Variants in SMARCAD1 observed in about 807,000 individuals in gnomAD.
SMARCAD1 encodes SNF2 related chromatin remodeling ATPase with DExD box 1, also known as SWI/SNF-related matrix-associated actin-dependent regulator of chromatin subfamily A containing DEAD/H box 1.
In SMARCAD1, 25 loss-of-function variants were observed where a neutral mutation model predicts 127.1. That is an observed-to-expected ratio of 0.20 (90% CI 0.14 to 0.27). SMARCAD1 has a LOEUF of 0.27. SMARCAD1 is among the 10% of genes least tolerant of loss of function. The pLI, the probability that SMARCAD1 is intolerant of heterozygous loss-of-function variation, is 1.00. For missense variants in SMARCAD1, 807 were observed against 1,206.0 expected (o/e 0.67, Z 4.90); for synonymous variants, 400 against 396.9 (o/e 1.01, Z -0.09).
intron 11 of SMARCAD1, among the ~76,000 whole-genome samples, 153 bp downstream of exon 11, chr4:94,270,971 G>T (rs1752463605): frequency 6.6e-6 from 1 of 152,124 alleles, no homozygotes; most frequent in Non-Finnish European, 1.5e-5. Context: ...TTTTGATAGA[G>T]TTAGTTCTAC....
chr4:94,250,539 T>A (rs1181097015), intron 7 of SMARCAD1, among the ~76,000 whole-genome samples: 2 of 152,064 alleles, frequency 1.3e-5, no homozygotes, highest in African/African-American at 4.8e-5. Flanking sequence ...TGCAAAAAAA[T>A]GTCAAGTTTT....
intron 2 of SMARCAD1, 51 bp downstream of exon 2, chr4:94,208,635 A>G: frequency 6.6e-7 from 1 of 1,522,846 alleles, no homozygotes; most frequent in East Asian, 2.3e-5. Context: ...TTTTTAAAAG[A>G]TGAAAGGCAG....
chr4:94,262,514 A>G (rs1751152912), intron 9 of SMARCAD1, among the ~76,000 whole-genome samples: 1 of 152,136 alleles, frequency 6.6e-6, no homozygotes, highest in Non-Finnish European at 1.5e-5. Flanking sequence ...GTTCTTTCTA[A>G]ACAGGAACTC....
intron 6 of SMARCAD1, among the ~76,000 whole-genome samples, chr4:94,242,146 A>G (rs926168982): frequency 1.3e-5 from 2 of 151,000 alleles, no homozygotes; most frequent in African/African-American, 4.9e-5. Context: ...CAATTCTCGC[A>G]CCTCAGCCTC....
chr4:94,236,223 G>A (rs1019011097), intron 4 of SMARCAD1, among the ~76,000 whole-genome samples: 2 of 151,618 alleles, frequency 1.3e-5, no homozygotes, highest in African/African-American at 4.9e-5. Context: ...AATACAAAAA[G>A]TAGCTTATTT....
Position 94,234,139 on chromosome 4 carries a change from A to G in SMARCAD1, c.537+17A>G, listed in dbSNP as rs769604697. 5.7e-6 allele frequency: 9 copies of G among 1,571,134 alleles called. No individual in the cohort carries two copies. On this transcript the variant is annotated intron_variant, in intron 4 of 23. Coordinates refer to ENST00000354268, the MANE Select transcript of SMARCAD1 (RefSeq NM_020159.5). ...TTACTTAAGGTTATATTCATTGGTT[A>G]TTGTAGCTGTAATGATGATAAAATC...
At chr4:94,253,715 A>G (rs1010334521) in intron 9 of SMARCAD1, 31 of 995,300 alleles carry the variant, frequency 3.1e-5, no homozygotes, top group African/African-American at 3.5e-5. Context: ...TTGACTTTCT[A>G]TAAACAGGTT....
chr4:94,240,110 G>T (rs1479339503), intron 5 of SMARCAD1, among the ~76,000 whole-genome samples: 1 of 152,050 alleles, frequency 6.6e-6, no homozygotes, highest in African/African-American at 2.4e-5. Context: ...GCATAGTTAG[G>T]GCTCTGATAT....
intron 9 of SMARCAD1, 107 bp downstream of exon 9, chr4:94,253,114 T>G: frequency 6.4e-7 from 1 of 1,564,814 alleles, no homozygotes; most frequent in Non-Finnish European, 8.7e-7. Context: ...ATGGGTGGCC[T>G]TATCCTGTGT....
rs556124963 is a variant in SMARCAD1 at position 94,255,069 on chromosome 4, A to G, written c.1281+2062A>G. Among the ~76,000 whole-genome samples the G allele has an allele frequency of 9.9e-5, 15 of 152,210 alleles. 1 individual carries two copies. The South Asian group carries it at 2.9e-3, about 29-fold the overall frequency. On this transcript the variant is annotated intron_variant, in intron 9 of 23. Transcript: ENST00000354268. ...CCTCTAAACAACTTCAAAAGGAAAC[A>G]AAAGCCAAAAAAATTGTTTTGTGTT...
chr4:94,280,877 CTGTT>C, intron 20 of SMARCAD1, 97 bp downstream of exon 20: 1 of 1,144,762 alleles, frequency 8.7e-7, no homozygotes, highest in Non-Finnish European at 1.3e-6. Context: ...TAGCCTATGT[CTGTT>C]CTGCATTCTT....
At chr4:94,229,327 G>A (rs1169429114) in intron 3 of SMARCAD1, among the ~76,000 whole-genome samples, 1 of 152,068 alleles carries the variant, frequency 6.6e-6, no homozygotes, top group Non-Finnish European at 1.5e-5. Flanking sequence ...CTTGTATTTG[G>A]TAGTCTGTAA....
At chr4:94,246,240 C>G (rs780608402) in intron 6 of SMARCAD1, among the ~76,000 whole-genome samples, 1 of 152,028 alleles carries the variant, frequency 6.6e-6, no homozygotes, top group African/African-American at 2.4e-5. Flanking sequence ...CCACCTCAGC[C>G]TCCCGAGTAG....
chr4:94,261,697 A>G lies in SMARCAD1; in HGVS notation c.1282-3010A>G, dbSNP rs116918311. On this transcript the variant is annotated intron_variant, in intron 9 of 23. Coordinates refer to ENST00000354268, the MANE Select transcript of SMARCAD1 (RefSeq NM_020159.5). ...GCGTCTTGGCTCACTGCAACCTCTGACTCCCGGGCTCAAGCCATCGTCCCA... is the reference window on the plus strand; with the variant it reads ...GCGTCTTGGCTCACTGCAACCTCTGGCTCCCGGGCTCAAGCCATCGTCCCA... 2.3e-3 allele frequency among the ~76,000 whole-genome samples: 344 copies of G among 152,090 alleles called. 9 individuals carry two copies. In the East Asian group the frequency reaches 0.046, roughly 20 times the overall value.
Position 94,264,848 on chromosome 4 carries a change from A to G in SMARCAD1, c.1423A>G (p.Met475Val), listed in dbSNP as rs765506477. The change falls in exon 10 of 24, where the codon ATG becomes GTG. Residue 475 changes from methionine to valine, a missense_variant. Met to Val is a conservative substitution (Grantham distance 21, BLOSUM62 1). Around this residue, in one of 8 missense-constraint regions of SMARCAD1, gnomAD observed 257 missense variants for 303.4 expected, o/e 0.85. Coordinates refer to ENST00000354268, the MANE Select transcript of SMARCAD1 (RefSeq NM_020159.5). ...ISNKLTKQVTMLTGNGGGWNI... is the reference protein window; with the variant it reads ...ISNKLTKQVTVLTGNGGGWNI... ...AAATAAATTGACCAAACAAGTTACCATGCTTACTGGAAATGGAGGTGGATG... is the reference window on the plus strand; with the variant it reads ...AAATAAATTGACCAAACAAGTTACCGTGCTTACTGGAAATGGAGGTGGATG... 2 of 1,613,146 alleles carry G rather than the reference A, an allele frequency of 1.2e-6. No individual in the cohort carries two copies. The highest frequency in any genetic ancestry group is 1.1e-5 in the South Asian group (1 of 91,030).
At chr4:94,227,890 T>A (rs1375373122) in intron 3 of SMARCAD1, among the ~76,000 whole-genome samples, 1 of 152,124 alleles carries the variant, frequency 6.6e-6, no homozygotes, top group African/African-American at 2.4e-5. Flanking sequence ...GACACTAGTA[T>A]AGTATAGCTG....
intron 10 of SMARCAD1, among the ~76,000 whole-genome samples, chr4:94,266,987 A>T (rs1751819921): frequency 6.6e-6 from 1 of 152,148 alleles, no homozygotes; most frequent in Non-Finnish European, 1.5e-5. Flanking sequence ...GAGGAAAAAG[A>T]AAATAAATCC....
chr4:94,290,556 C>T lies in SMARCAD1; in HGVS notation c.*1022C>T, dbSNP rs1359764676. On this transcript the variant is annotated 3_prime_UTR_variant, in exon 24 of 24. Coordinates refer to ENST00000354268, the MANE Select transcript of SMARCAD1 (RefSeq NM_020159.5). ...GAAACTCTTATCAAAATATATTTTA[C>T]CAGTTTCCAGAATTTCCAGTACAGG... The T allele has an allele frequency of 2.2e-6, 1 of 454,444 alleles. No homozygotes were observed. The highest frequency in any genetic ancestry group is 6.9e-5 in the East Asian group (1 of 14,396). 28.2% of individuals were successfully genotyped at this position (454,444 alleles called of 1,614,324 possible).
intron 10 of SMARCAD1, among the ~76,000 whole-genome samples, chr4:94,265,336 AT>A (rs1751574536): frequency 6.6e-6 from 1 of 151,994 alleles, no homozygotes; most frequent in Non-Finnish European, 1.5e-5. Context: ...ATGAAATGAT[AT>A]CCCATACTGT....
Sources: allele counts gnomAD v4.1 joint callset (sites outside exome capture counted in the v4.1 genomes callset), GRCh38; gene constraint gnomAD v4.1.1; regional missense constraint gnomAD v4.1.1; transcripts MANE v1.5; gene names NCBI Gene and HGNC (gene_info 2026-07-23, HGNC 2026-07-21).